Variants in RUSC2 observed in about 807,000 individuals in gnomAD.
RUSC2 encodes AP-4 complex accessory subunit RUSC2.
Under a neutral mutation model 122.2 loss-of-function variants are expected in RUSC2, and 34 were observed. That is an observed-to-expected ratio of 0.28 (90% CI 0.21 to 0.37). The LOEUF (loss-of-function observed/expected upper bound fraction) is 0.37. Ranked by LOEUF, RUSC2 falls within the 10% of genes least tolerant of loss-of-function variation. The pLI, the probability that RUSC2 is intolerant of heterozygous loss-of-function variation, is 1.00. For synonymous variants in RUSC2, 784 were observed against 790.0 expected, an observed-to-expected ratio of 0.99 and a Z score of 0.13; for missense variants, 1,747 against 1,952.4, an observed-to-expected ratio of 0.89 and a Z score of 1.98.
intron 1 of RUSC2, among the ~76,000 whole-genome samples, chr9:35,497,106 C>G (rs1298398654): frequency 6.6e-6 from 1 of 152,184 alleles, no homozygotes; most frequent in East Asian, 1.9e-4. Context: ...CCTCTCCTGT[C>G]CTTCCCCTTA....
intron 2 of RUSC2, among the ~76,000 whole-genome samples, chr9:35,552,573 T>TAGAGCTTC (rs1187663695): frequency 6.6e-6 from 1 of 152,124 alleles, no homozygotes; most frequent in African/African-American, 2.4e-5. Flanking sequence ...CAGCAGTTGG[T>TAGAGCTTC]AGAGCTTCCA....
chr9:35,541,373 A>G (rs1304146402), intron 1 of RUSC2, among the ~76,000 whole-genome samples: 1 of 151,826 alleles, frequency 6.6e-6, no homozygotes, highest in Non-Finnish European at 1.5e-5. Flanking sequence ...TGATGTAGAA[A>G]AAGTCACTCC....
chr9:35,518,467 T>C (rs1014409971), intron 1 of RUSC2, among the ~76,000 whole-genome samples: 3 of 152,348 alleles, frequency 2.0e-5, no homozygotes, highest in Admixed American at 6.5e-5. Context: ...CTCATGCTCC[T>C]GTCTGCCTGA....
Position 35,547,216 on chromosome 9 carries a change from G to A in RUSC2, c.695G>A (p.Ser232Asn). The A allele has an allele frequency of 6.2e-7, 1 of 1,614,198 alleles. No individual in the cohort carries two copies. The highest frequency in any genetic ancestry group is 8.5e-7 in the Non-Finnish European group (1 of 1,180,050). Residue 232 changes from serine to asparagine, a missense_variant, in exon 2 of 12, where the codon AGT (serine) becomes AAT (asparagine). Physicochemically the swap from Ser to Asn is conservative, Grantham distance 46 (BLOSUM62 1). Transcript: ENST00000361226. The surrounding 1 kb of genome is among the most constrained non-coding windows in gnomAD (Gnocchi z 4.6). Reference sequence around the variant, plus strand: ...TCCTTTGACCAGGAATGGAAGCTCAGTTCAGATGAATCCCCAAGGAACCCT... The same window carrying A: ...TCCTTTGACCAGGAATGGAAGCTCAATTCAGATGAATCCCCAAGGAACCCT... ...GFSFDQEWKL[S>N]SDESPRNPGC...
Position 35,493,632 on chromosome 9 carries a change from A to T in RUSC2, c.-93+3460A>T, listed in dbSNP as rs187740629. 7.9e-5 allele frequency among the ~76,000 whole-genome samples: 12 copies of T among 152,144 alleles called. No individual in the cohort carries two copies. The East Asian group carries it at 2.3e-3, about 29-fold the overall frequency. Reference sequence around the variant, plus strand: ...ATTCACATGCCTCAGCCTCCTGAGTAGCTGGAATTACAGGTGCACGCCACC... The same window carrying T: ...ATTCACATGCCTCAGCCTCCTGAGTTGCTGGAATTACAGGTGCACGCCACC... On this transcript the variant is annotated intron_variant, in intron 1 of 11. Transcript: ENST00000361226.
Position 35,534,419 on chromosome 9 carries a change from TACACACAC to T in RUSC2, c.-92-11979_-92-11972del, listed in dbSNP as rs55836338. ...GTGAGACCCCCATCTCTACAAATAATACACACACACACACACACACACACACACACACA... is the reference window on the plus strand; with the variant it reads ...GTGAGACCCCCATCTCTACAAATAATACACACACACACACACACACACACA... On this transcript the variant is annotated intron_variant, in intron 1 of 11. Coordinates refer to ENST00000361226, the MANE Select transcript of RUSC2 (RefSeq NM_014806.5). Among the ~76,000 whole-genome samples, 538 of 141,020 alleles carry T rather than the reference TACACACAC, an allele frequency of 3.8e-3. 1 individual carries two copies. Among genetic ancestry groups the T allele is most frequent in the African/African-American group, 0.013 (482 of 37,464 alleles). 92.5% of individuals were successfully genotyped at this position (141,020 alleles called of 152,430 possible).
In RUSC2 at chr9:35,557,998, A is replaced by G; in HGVS notation, c.3060+8A>G. 6.2e-7 allele frequency: 1 copy of G among 1,613,814 alleles called. No homozygotes were observed. Among genetic ancestry groups the G allele is most frequent in the Non-Finnish European group, 8.5e-7 (1 of 1,179,702 alleles). Reference sequence around the variant, plus strand: ...CGGGATCCCGGGGTGAAGGTAGGCAAGGAAATGTGGAGAGCTGAGCTCTGC... The same window carrying G: ...CGGGATCCCGGGGTGAAGGTAGGCAGGGAAATGTGGAGAGCTGAGCTCTGC... On this transcript the variant is annotated splice_region_variant and intron_variant, in intron 6 of 11. Coordinates refer to ENST00000361226, the MANE Select transcript of RUSC2 (RefSeq NM_014806.5). The surrounding 1 kb of genome is among the most constrained non-coding windows in gnomAD (Gnocchi z 4.6).
chr9:35,533,883 T>C (rs1341995772), intron 1 of RUSC2, among the ~76,000 whole-genome samples: 2 of 152,242 alleles, frequency 1.3e-5, no homozygotes, highest in Admixed American at 6.5e-5. Flanking sequence ...TTTTGGTTGC[T>C]CCTAGTTTTT....
chr9:35,521,345 T>C (rs1376532990), intron 1 of RUSC2, among the ~76,000 whole-genome samples: 1 of 152,218 alleles, frequency 6.6e-6, no homozygotes. Context: ...AAAATAATTT[T>C]TTGTTTTCTA....
intron 1 of RUSC2, among the ~76,000 whole-genome samples, chr9:35,497,610 C>T (rs1820744691): frequency 6.6e-6 from 1 of 152,160 alleles, no homozygotes; most frequent in Non-Finnish European, 1.5e-5. Flanking sequence ...CTTCATTATA[C>T]CCCAAGAAGA....
Position 35,547,910 on chromosome 9 carries a change from C to A in RUSC2, c.1389C>A (p.Ser463=), listed in dbSNP as rs993960708. 11 of 1,614,092 alleles carry A rather than the reference C, an allele frequency of 6.8e-6. No individual in the cohort carries two copies. The highest frequency in any genetic ancestry group is 9.3e-6 in the Non-Finnish European group (11 of 1,180,048). The change falls in exon 2 of 12, where the codon TCC becomes TCA. Residue 463 remains serine, a synonymous_variant. Transcript: ENST00000361226. The surrounding 1 kb of genome is among the most constrained non-coding windows in gnomAD (Gnocchi z 4.6). The part of the protein sequence containing the change: ...VQPEEQEAVS[S]STQAAAAVGP... The stretch of plus-strand genomic sequence containing the variant: ...CAGAGGAACAAGAAGCAGTGAGTTC[C>A]TCCACCCAAGCAGCAGCTGCTGTGG...
At chr9:35,501,630 TAGAA>T (rs1298360664) in intron 1 of RUSC2, among the ~76,000 whole-genome samples, 1 of 152,108 alleles carries the variant, frequency 6.6e-6, no homozygotes, top group Non-Finnish European at 1.5e-5. Flanking sequence ...GACTCCAAGG[TAGAA>T]AGAGATAAAG....
chr9:35,509,204 G>A (rs1377532417), intron 1 of RUSC2, among the ~76,000 whole-genome samples: 3 of 152,176 alleles, frequency 2.0e-5, no homozygotes, highest in Admixed American at 6.5e-5. Context: ...GTGCATACCT[G>A]TAGTCCCAGC....
At chr9:35,504,502 G>A (rs1039902669) in intron 1 of RUSC2, among the ~76,000 whole-genome samples, 1 of 137,174 alleles carries the variant, frequency 7.3e-6, no homozygotes, top group African/African-American at 2.7e-5. Flanking sequence ...TTTCGCTCTT[G>A]TTGCCCAGGC....
rs759283916 is a variant in RUSC2 at position 35,548,177 on chromosome 9, G to A, written c.1656G>A (p.Lys552=). The A allele has an allele frequency of 6.4e-5, 103 of 1,613,244 alleles. No individual in the cohort carries two copies. The highest frequency in any genetic ancestry group is 8.1e-5 in the Non-Finnish European group (96 of 1,180,004). Residue 552 remains lysine, a synonymous_variant, in exon 2 of 12, where the codon AAG becomes AAA. Transcript: ENST00000361226. This position sits in a 1 kb window ranked among gnomAD's most constrained non-coding sequence, Gnocchi z 4.5. ...TTGCCGAGCTGGCCAAGGGCCGGAAGAAAACTGGAGGCTCTGGCTCGCCCC... is the reference window on the plus strand; with the variant it reads ...TTGCCGAGCTGGCCAAGGGCCGGAAAAAAACTGGAGGCTCTGGCTCGCCCC... The part of the protein sequence containing the change: ...TSFAELAKGR[K]KTGGSGSPPL...
intron 1 of RUSC2, among the ~76,000 whole-genome samples, chr9:35,525,357 T>C (rs755272383): frequency 1.3e-5 from 2 of 152,192 alleles, no homozygotes; most frequent in Non-Finnish European, 2.9e-5. Flanking sequence ...GCAGTTCCAC[T>C]CAAAGTTCTC....
rs1822060822 is a variant in RUSC2 at position 35,558,123 on chromosome 9, C to T, written c.3061-74C>T. ...AGGAATGGGGACGGCAAGAGGGGAA[C>T]CATGAGGGCCTGCTACGAGAGGACC... On this transcript the variant is annotated intron_variant, in intron 6 of 11. Coordinates refer to ENST00000361226, the MANE Select transcript of RUSC2 (RefSeq NM_014806.5). The surrounding 1 kb of genome is among the most constrained non-coding windows in gnomAD (Gnocchi z 4.3). 3.8e-6 allele frequency: 6 copies of T among 1,590,066 alleles called. No individual in the cohort carries two copies. The highest frequency in any genetic ancestry group is 1.1e-5 in the South Asian group (1 of 89,846).
intron 1 of RUSC2, among the ~76,000 whole-genome samples, chr9:35,537,963 C>T (rs1162714253): frequency 6.6e-6 from 1 of 152,192 alleles, no homozygotes; most frequent in African/African-American, 2.4e-5. Context: ...ACAGAATTGG[C>T]CCAGAACCTG....
Position 35,558,196 on chromosome 9 carries a change from G to A in RUSC2, c.3061-1G>A. 1 of 1,612,178 alleles carries A rather than the reference G, an allele frequency of 6.2e-7. No individual in the cohort carries two copies. The highest frequency in any genetic ancestry group is 8.5e-7 in the Non-Finnish European group (1 of 1,179,470). ...CCTGCACTTCCCTACCACACCTACA[G>A]GCAAAGCTGGGAAACAGTTCTGTGA... On this transcript the variant is annotated splice_acceptor_variant, in intron 6 of 11. Transcript: ENST00000361226. LOFTEE classifies it high-confidence loss of function. The surrounding 1 kb of genome is among the most constrained non-coding windows in gnomAD (Gnocchi z 4.3).
Sources: gnomAD v4.1 joint callset for allele counts (sites outside exome capture counted in the v4.1 genomes callset) on GRCh38, gnomAD v4.1.1 for gene constraint, Gnocchi (gnomAD v3.1) non-coding constraint, MANE v1.5 for transcripts, NCBI Gene and HGNC (gene_info 2026-07-23, HGNC 2026-07-21) for gene names.